LIPI: variants seen among roughly 807,000 people sequenced by gnomAD.
LIPI encodes the protein lipase member I.
Under a neutral mutation model 50.6 loss-of-function variants are expected in LIPI, and 59 were observed. The observed-to-expected ratio is 1.16, with a 90% confidence interval of 0.94 to 1.45. LIPI has a LOEUF of 1.45. LIPI is among the 40% of genes most tolerant of loss of function. The pLI, the probability that LIPI is intolerant of heterozygous loss-of-function variation, is 0.00. For synonymous variants in LIPI, 203 were observed against 178.2 expected, an observed-to-expected ratio of 1.14 and a Z score of -1.11; for missense variants, 586 against 536.3, an observed-to-expected ratio of 1.09 and a Z score of -0.92.
At chr21:14,185,387 T>C (rs919819527) in intron 3 of LIPI, among the ~76,000 whole-genome samples, 1 of 152,224 alleles carries the variant, frequency 6.6e-6, no homozygotes, top group Non-Finnish European at 1.5e-5. Context: ...ATTCTTACGA[T>C]AGTATGTCCT....
At chr21:14,135,357 C>T (rs890385572) in intron 9 of LIPI, among the ~76,000 whole-genome samples, 2 of 152,098 alleles carry the variant, frequency 1.3e-5, no homozygotes, top group East Asian at 3.9e-4. Context: ...ATCAGATGAG[C>T]ACTCATAGTA....
intron 4 of LIPI, among the ~76,000 whole-genome samples, chr21:14,172,469 A>G (rs1426497001): frequency 6.6e-6 from 1 of 151,994 alleles, no homozygotes; most frequent in Non-Finnish European, 1.5e-5. Context: ...ACCAACCCAA[A>G]TGTCCAACAA....
At chr21:14,146,697 C>T (rs1031531748) in intron 8 of LIPI, among the ~76,000 whole-genome samples, 1 of 151,306 alleles carries the variant, frequency 6.6e-6, no homozygotes. Context: ...GGAACATGGC[C>T]TATGAGTTCT....
At chr21:14,133,702 T>C (rs1299317278) in intron 9 of LIPI, among the ~76,000 whole-genome samples, 3 of 152,212 alleles carry the variant, frequency 2.0e-5, no homozygotes, top group Non-Finnish European at 4.4e-5. Context: ...TGTTTGCTGA[T>C]GATATATGCT....
chr21:14,142,196 G>A (rs1213112737), intron 9 of LIPI, among the ~76,000 whole-genome samples: 1 of 151,984 alleles, frequency 6.6e-6, no homozygotes, highest in Non-Finnish European at 1.5e-5. Context: ...ATAGCATTAG[G>A]AGAAATACCT....
At chr21:14,197,840 GA>G (rs527354854) in intron 1 of LIPI, among the ~76,000 whole-genome samples, 60 of 143,212 alleles carry the variant, frequency 4.2e-4, no homozygotes, top group Middle Eastern at 7.1e-3. Context: ...AGGTTGAAAT[GA>G]AAAAAAAAAA....
At chr21:14,135,577 C>G (rs1029947930) in intron 9 of LIPI, among the ~76,000 whole-genome samples, 3 of 152,162 alleles carry the variant, frequency 2.0e-5, no homozygotes, top group African/African-American at 7.2e-5. Context: ...AGATCAAACT[C>G]AGTTGACACC....
At chr21:14,118,955 G>T (rs1169184707) in intron 9 of LIPI, among the ~76,000 whole-genome samples, 2 of 152,300 alleles carry the variant, frequency 1.3e-5, no homozygotes, top group East Asian at 3.9e-4. Context: ...GCCTATACAA[G>T]CCTTAAAGGC....
chr21:14,143,701 T>C (rs1040334712), intron 9 of LIPI: 1 of 152,168 alleles, frequency 6.6e-6, no homozygotes, highest in Non-Finnish European at 1.5e-5. Flanking sequence ...CACATGCAGA[T>C]TGACAGATGA....
intron 7 of LIPI, among the ~76,000 whole-genome samples, chr21:14,157,887 C>T (rs907887979): frequency 2.0e-5 from 3 of 151,738 alleles, no homozygotes; most frequent in Non-Finnish European, 2.9e-5. Context: ...TAACTGGTAT[C>T]GTATCCCTGT....
intron 9 of LIPI, among the ~76,000 whole-genome samples, chr21:14,121,352 G>C (rs1475663964): frequency 6.6e-6 from 1 of 152,100 alleles, no homozygotes; most frequent in East Asian, 1.9e-4. Flanking sequence ...ATTTAAGATG[G>C]GATCAGGTAT....
intron 1 of LIPI, among the ~76,000 whole-genome samples, chr21:14,208,007 A>G (rs998828216): frequency 2.0e-5 from 3 of 152,184 alleles, no homozygotes; most frequent in Admixed American, 6.5e-5. Flanking sequence ...TTTCTTTCAC[A>G]TGATCCTTGT....
chr21:14,117,365 CAGA>C (rs1327097762), intron 9 of LIPI, among the ~76,000 whole-genome samples: 7 of 152,274 alleles, frequency 4.6e-5, no homozygotes, highest in South Asian at 4.1e-4. Flanking sequence ...CTGTTCAATA[CAGA>C]AGAACGCTGC....
chr21:14,189,048 T>C lies in LIPI; in HGVS notation c.418A>G (p.Ile140Val), dbSNP rs922068615. The C allele has an allele frequency of 1.2e-6, 2 of 1,605,606 alleles. No individual in the cohort carries two copies. The highest frequency in any genetic ancestry group is 1.3e-5 in the African/African-American group (1 of 74,940). ...RKVAVSLSVHIKNLLKHGASL... is the reference protein window; with the variant it reads ...RKVAVSLSVHVKNLLKHGASL... ...CCCAGACTTACCAAAAGATTTTTAA[T>C]GTGCACACTCAAACTCACAGCAACT... The change falls in exon 2 of 10, where the codon ATT becomes GTT. Residue 140 changes from isoleucine to valine, a missense_variant. Physicochemically the swap from Ile to Val is conservative, Grantham distance 29. Transcript: ENST00000681601.
At chr21:14,187,346 C>T (rs373216468) in intron 2 of LIPI, among the ~76,000 whole-genome samples, 108 of 152,160 alleles carry the variant, frequency 7.1e-4, no homozygotes, top group Admixed American at 2.0e-3. Flanking sequence ...AGATGTGGAG[C>T]GCTTGCCACT....
intron 7 of LIPI, among the ~76,000 whole-genome samples, chr21:14,158,193 G>A (rs906430767): frequency 1.3e-5 from 2 of 151,694 alleles, no homozygotes; most frequent in African/African-American, 4.8e-5. Context: ...AGCCTAAAGA[G>A]ATCAATGCTT....
intron 4 of LIPI, among the ~76,000 whole-genome samples, chr21:14,171,923 A>G (rs2018924300): frequency 6.7e-6 from 1 of 150,072 alleles, no homozygotes; most frequent in African/African-American, 2.4e-5. Flanking sequence ...ATCAGAGTGA[A>G]CAGGCAACCT....
At chr21:14,144,915 C>A (rs1338109240) in intron 8 of LIPI, 116 bp from the exon 9 acceptor site, 3 of 616,082 alleles carry the variant, frequency 4.9e-6, no homozygotes, top group Non-Finnish European at 8.6e-6. Context: ...AGGGAAAAGG[C>A]CAAACAAAAT....
chr21:14,201,067 T>C (rs113822105), intron 1 of LIPI, among the ~76,000 whole-genome samples: 44 of 151,928 alleles, frequency 2.9e-4, no homozygotes, highest in African/African-American at 1.1e-3. Context: ...ATGAAGAAGA[T>C]TGAAACTGGA....
Sources: gnomAD v4.1 joint callset for allele counts (sites outside exome capture counted in the v4.1 genomes callset) on GRCh38, gnomAD v4.1.1 for gene constraint, MANE v1.5 for transcripts, NCBI Gene and HGNC (gene_info 2026-07-23, HGNC 2026-07-21) for gene names.